STAG1: variants seen among roughly 807,000 people sequenced by gnomAD.
STAG1 encodes STAG1 cohesin complex component, also known as cohesin subunit SA-1.
STAG1 carries 26 observed loss-of-function variants against 170.9 expected under a neutral mutation model. The observed-to-expected ratio is 0.15, with a 90% CI of 0.11 to 0.21. The LOEUF is 0.21. STAG1 is among the 10% of genes least tolerant of loss of function. The probability of loss-of-function intolerance (pLI) is 1.00; values close to 1 mark genes in which losing one functional copy is unlikely to be tolerated. For missense variants in STAG1, 964 were observed against 1,509.5 expected, an observed-to-expected ratio of 0.64 and a Z score of 5.99; for synonymous variants, 514 against 497.7, an observed-to-expected ratio of 1.03 and a Z score of -0.44.
intron 1 of STAG1, among the ~76,000 whole-genome samples, chr3:136,686,859 T>TA (rs992375226): frequency 2.7e-4 from 41 of 152,326 alleles, no homozygotes; most frequent in Middle Eastern, 3.4e-3. Flanking sequence ...AGAGCAATCC[T>TA]AATTCACTTT....
At chr3:136,502,139 T>C (rs1443028116) in intron 8 of STAG1, among the ~76,000 whole-genome samples, 1 of 151,898 alleles carries the variant, frequency 6.6e-6, no homozygotes, top group Non-Finnish European at 1.5e-5. Flanking sequence ...GATCGCACCA[T>C]TGCACTCGAG....
At chr3:136,469,190 T>C (rs893533067) in intron 12 of STAG1, among the ~76,000 whole-genome samples, 9 of 152,218 alleles carry the variant, frequency 5.9e-5, no homozygotes, top group African/African-American at 7.2e-5. Context: ...AAAGAGGAAG[T>C]CAAATTGTCC....
intron 26 of STAG1, among the ~76,000 whole-genome samples, chr3:136,362,623 G>GAAAA (rs1301041525): frequency 7.9e-6 from 1 of 126,902 alleles, no homozygotes; most frequent in South Asian, 2.5e-4. Flanking sequence ...AAAAAAAAAA[G>GAAAA]AAAAAAAAAG....
intron 6 of STAG1, among the ~76,000 whole-genome samples, chr3:136,523,779 T>C (rs1246462533): frequency 6.6e-6 from 1 of 152,186 alleles, no homozygotes. Context: ...GTATAAAGTA[T>C]AAGGAAGGGA....
At chr3:136,502,504 T>C (rs931606432) in intron 8 of STAG1, 124 bp downstream of exon 8, 2 of 1,062,124 alleles carry the variant, frequency 1.9e-6, no homozygotes, top group Non-Finnish European at 2.7e-6. Context: ...TTGGAAACCC[T>C]GACATCAAAT....
chr3:136,692,445 C>CT (rs1942758868), intron 1 of STAG1, among the ~76,000 whole-genome samples: 3 of 151,694 alleles, frequency 2.0e-5, no homozygotes, highest in Admixed American at 2.0e-4. Context: ...GACCAGCCTG[C>CT]TTAACATGGT....
chr3:136,416,763 T>C (rs150744119), intron 21 of STAG1, among the ~76,000 whole-genome samples: 24 of 152,152 alleles, frequency 1.6e-4, no homozygotes, highest in Admixed American at 5.2e-4. Flanking sequence ...GGGACATTTG[T>C]AGGGACCAAG....
chr3:136,538,675 C>A (rs909393186), intron 6 of STAG1, among the ~76,000 whole-genome samples: 2 of 152,122 alleles, frequency 1.3e-5, no homozygotes, highest in Admixed American at 6.5e-5. Context: ...CCACCTTGGT[C>A]TCCCAAAGTG....
intron 15 of STAG1, among the ~76,000 whole-genome samples, chr3:136,440,927 T>G (rs1305364796): frequency 6.6e-6 from 1 of 152,092 alleles, no homozygotes; most frequent in Admixed American, 6.6e-5. Flanking sequence ...AGGCAGAGGT[T>G]CATATTCCTG....
chr3:136,565,973 G>A (rs1404671819), intron 5 of STAG1, among the ~76,000 whole-genome samples: 1 of 152,184 alleles, frequency 6.6e-6, no homozygotes, highest in Admixed American at 6.5e-5. Context: ...GACCAGGACT[G>A]GCAAATCCTC....
rs977332953 is a variant in STAG1, at chr3:136,636,669, C to T, written c.-83-5688G>A. On this transcript the variant is annotated intron_variant, in intron 1 of 33. Coordinates refer to ENST00000383202, the MANE Select transcript of STAG1 (RefSeq NM_005862.3). ...ACAATAGTTAAGTTCCTACAGCATA[C>T]TTCTGGTCACAAAAAAATCAGCAAA... 3.3e-5 allele frequency among the ~76,000 whole-genome samples: 5 copies of T among 152,326 alleles called. No individual in the cohort carries two copies. In the South Asian group the frequency reaches 1.0e-3, roughly 32 times the overall value.
chr3:136,533,062 G>C (rs1318699378), intron 6 of STAG1, among the ~76,000 whole-genome samples: 1 of 152,086 alleles, frequency 6.6e-6, no homozygotes, highest in African/African-American at 2.4e-5. Context: ...AGCAAATTCA[G>C]TAAAGCGCTT....
At chr3:136,444,156 C>T (rs1353043931) in intron 14 of STAG1, among the ~76,000 whole-genome samples, 1 of 152,152 alleles carries the variant, frequency 6.6e-6, no homozygotes, top group East Asian at 1.9e-4. Flanking sequence ...TCACTGCAAC[C>T]TCCACCTCCT....
intron 22 of STAG1, among the ~76,000 whole-genome samples, chr3:136,395,010 G>T (rs1366125106): frequency 6.6e-6 from 1 of 151,248 alleles, no homozygotes; most frequent in African/African-American, 2.4e-5. Context: ...TACTTCAGGG[G>T]CTGAGGTGGG....
At chr3:136,641,310 T>A (rs963189206) in intron 1 of STAG1, among the ~76,000 whole-genome samples, 9 of 152,174 alleles carry the variant, frequency 5.9e-5, no homozygotes, top group East Asian at 1.9e-4. Context: ...TCCTTTTTTT[T>A]AAAACGTATT....
At chr3:136,658,144 C>G (rs1407715522) in intron 1 of STAG1, among the ~76,000 whole-genome samples, 1 of 150,364 alleles carries the variant, frequency 6.7e-6, no homozygotes, top group Non-Finnish European at 1.5e-5. Flanking sequence ...GAGCTATGAT[C>G]GTGCCACTGT....
chr3:136,572,235 T>A (rs1937286509), intron 4 of STAG1, among the ~76,000 whole-genome samples: 2 of 151,072 alleles, frequency 1.3e-5, no homozygotes, highest in Non-Finnish European at 3.0e-5. Context: ...AAAAATAAAA[T>A]GAATACAATA....
Position 136,704,170 on chromosome 3 carries a change from C to T in STAG1, c.-84+48025G>A, listed in dbSNP as rs138397666. 7.1e-3 allele frequency among the ~76,000 whole-genome samples: 1,080 copies of T among 151,380 alleles called. 20 individuals are homozygous for T. The highest frequency in any genetic ancestry group is 0.024 in the African/African-American group (971 of 41,276). On this transcript the variant is annotated intron_variant, in intron 1 of 33. Coordinates refer to ENST00000383202, the MANE Select transcript of STAG1 (RefSeq NM_005862.3). ...GGTTCAAGTGATTCTCCTGCCTCAG[C>T]CTCCCAAGTAGCTGCGATTACAGGA...
rs1300498191 is a variant in STAG1 at position 136,723,794 on chromosome 3, C to G, written c.-84+28401G>C. ...TCCGGGAAGGAGGTGGGGGGGTCAG[C>G]CCCCCGCCCGGCCAGCCGCCCCGTC... On this transcript the variant is annotated intron_variant, in intron 1 of 33. Coordinates refer to ENST00000383202, the MANE Select transcript of STAG1 (RefSeq NM_005862.3). 2.2e-5 allele frequency among the ~76,000 whole-genome samples: 3 copies of G among 138,204 alleles called. No individual in the cohort carries two copies. The East Asian group carries it at 7.1e-4, about 33-fold the overall frequency. The allele number at this position is 138,204 out of a possible 152,430, so 90.7% of individuals were successfully genotyped here. A position where few individuals can be genotyped will look rare whatever the true frequency, so the allele number is the denominator to read the frequency against.
Sources: allele counts gnomAD v4.1 joint callset (sites outside exome capture counted in the v4.1 genomes callset), GRCh38; gene constraint gnomAD v4.1.1; transcripts MANE v1.5; gene names NCBI Gene and HGNC (gene_info 2026-07-23, HGNC 2026-07-21).